FBN2: variants seen among roughly 807,000 people sequenced by gnomAD.
FBN2 encodes fibrillin-2.
A neutral mutation model predicts 355.6 loss-of-function variants in FBN2; 105 were observed. That is an observed-to-expected ratio of 0.30 (90% CI 0.25 to 0.35). The LOEUF (loss-of-function observed/expected upper bound fraction) is 0.35. Among genes scored for constraint, FBN2 ranks in the 10% least tolerant of loss-of-function variants. The pLI is 1.00. For synonymous variants in FBN2, 1,350 were observed against 1,301.2 expected (o/e 1.04, Z -0.81); for missense variants, 3,280 against 3,758.7 (o/e 0.87, Z 3.33).
At chr5:128,479,014 A>T (rs1755082968) in intron 5 of FBN2, among the ~76,000 whole-genome samples, 1 of 152,214 alleles carries the variant, frequency 6.6e-6, no homozygotes, top group African/African-American at 2.4e-5. Context: ...TTATCCTCAA[A>T]CATGGCTGCC....
At chr5:128,503,989 C>A (rs186383183) in intron 5 of FBN2, among the ~76,000 whole-genome samples, 2 of 152,252 alleles carry the variant, frequency 1.3e-5, no homozygotes, top group East Asian at 3.9e-4. Context: ...GGACATAGTG[C>A]CCTGCATCTC....
intron 5 of FBN2, among the ~76,000 whole-genome samples, chr5:128,493,167 A>G (rs1257546001): frequency 6.6e-6 from 1 of 152,190 alleles, no homozygotes; most frequent in East Asian, 1.9e-4. Context: ...GTACACAGTA[A>G]GTGTAATGAG....
chr5:128,508,565 C>T (rs1756026274), intron 5 of FBN2, among the ~76,000 whole-genome samples: 1 of 151,888 alleles, frequency 6.6e-6, no homozygotes, highest in South Asian at 2.1e-4. Context: ...TACTCTACAC[C>T]CCATAGGACA....
chr5:128,489,737 C>A (rs1415361235), intron 5 of FBN2, among the ~76,000 whole-genome samples: 2 of 152,072 alleles, frequency 1.3e-5, no homozygotes, highest in African/African-American at 4.8e-5. Context: ...ACTCAATTGA[C>A]CCCTAAGGAA....
chr5:128,530,832 T>C (rs1756681829), intron 2 of FBN2, 139 bp from the exon 3 acceptor site: 1 of 654,460 alleles, frequency 1.5e-6, no homozygotes, highest in Admixed American at 2.6e-5. Context: ...ACTTCAGATA[T>C]GCAATAAAAT....
chr5:128,325,152 C>T (rs931963640), intron 34 of FBN2, among the ~76,000 whole-genome samples: 1 of 152,060 alleles, frequency 6.6e-6, no homozygotes, highest in Non-Finnish European at 1.5e-5. Flanking sequence ...GAGTTCAGAT[C>T]CTGAATATCC....
chr5:128,342,297 C>T (rs1005153140), intron 25 of FBN2, among the ~76,000 whole-genome samples: 2 of 151,932 alleles, frequency 1.3e-5, no homozygotes, highest in African/African-American at 4.8e-5. Flanking sequence ...GAAAATACCA[C>T]AGAAACTAAG....
At position 128,286,800 on chromosome 5, in the gene FBN2, C is replaced by A; in HGVS notation, c.6930G>T (p.Met2310Ile). 1.2e-6 allele frequency: 2 copies of A among 1,614,050 alleles called. No individual in the cohort carries two copies. The highest frequency in any genetic ancestry group is 1.7e-6 in the Non-Finnish European group (2 of 1,179,870). ...EGLHDCESRG[M>I]MCKNLIGTFM... Reference sequence around the variant, plus strand: ...AGGTGCCGATTAGATTCTTACACATCATGCCCCTAGATTCACAGTCGTGTA... The same window carrying A: ...AGGTGCCGATTAGATTCTTACACATAATGCCCCTAGATTCACAGTCGTGTA... The change falls in exon 55 of 65, where the codon ATG becomes ATT. Residue 2310 changes from methionine to isoleucine, a missense_variant. By Grantham distance (10) the Met-to-Ile change is conservative. This residue lies in a region of FBN2 where 2,284 missense variants were observed against 2,749.5 expected (regional missense o/e 0.83). Transcript: ENST00000262464.
At chr5:128,373,335 GTTATATTC>G (rs1751996824) in intron 15 of FBN2, among the ~76,000 whole-genome samples, 1 of 152,204 alleles carries the variant, frequency 6.6e-6, no homozygotes, top group African/African-American at 2.4e-5. Context: ...GCAGGAAGAA[GTTATATTC>G]TTCTAGCTGC....
intron 5 of FBN2, 84 bp downstream of exon 5, chr5:128,519,188 GA>G: frequency 1.1e-6 from 1 of 900,624 alleles, no homozygotes; most frequent in Non-Finnish European, 1.8e-6. Flanking sequence ...TTCATTAGCA[GA>G]ATCTTCATTG....
intron 64 of FBN2, among the ~76,000 whole-genome samples, chr5:128,260,829 T>A (rs1285647918): frequency 6.6e-6 from 1 of 152,126 alleles, no homozygotes; most frequent in Non-Finnish European, 1.5e-5. Context: ...AGCCAGCCAG[T>A]TGTTGATTAG....
rs1751527556 is a variant in FBN2, at chr5:128,357,385, T to G, written c.2565A>C (p.Glu855Asp). 6.2e-7 allele frequency: 1 copy of G among 1,613,798 alleles called. No individual in the cohort carries two copies. Among genetic ancestry groups the G allele is most frequent in the Non-Finnish European group, 8.5e-7 (1 of 1,179,798 alleles). ...TETETCEDINECESNPCVNGA... is the reference protein window; with the variant it reads ...TETETCEDINDCESNPCVNGA... ...CATTGACACATGGGTTGCTTTCACA[T>G]TCATTTATATCTACAATCCAGAAGG... The change falls in exon 20 of 65, where the codon GAA becomes GAC. Residue 855 changes from glutamate to aspartate, a missense_variant. Physicochemically the swap from Glu to Asp is conservative, Grantham distance 45. Transcript: ENST00000262464.
At chr5:128,443,571 G>A (rs1331118257) in intron 7 of FBN2, among the ~76,000 whole-genome samples, 1 of 152,080 alleles carries the variant, frequency 6.6e-6, no homozygotes, top group East Asian at 1.9e-4. Flanking sequence ...AATGTTTAAC[G>A]ATTAATAAGC....
chr5:128,286,822 T>C lies in FBN2; in HGVS notation c.6908A>G (p.His2303Arg), dbSNP rs763581528. 3.1e-6 allele frequency: 5 copies of C among 1,613,980 alleles called. No individual in the cohort carries two copies. In the South Asian group the frequency reaches 4.4e-5, roughly 14 times the overall value. The change falls in exon 55 of 65, where the codon CAC becomes CGC. Residue 2303 changes from histidine (H) to arginine (R), a missense_variant. By Grantham distance (29) the His-to-Arg change is conservative. Around this residue, in one of 6 missense-constraint regions of FBN2, gnomAD observed 2,284 missense variants for 2,749.5 expected, o/e 0.83. Coordinates refer to ENST00000262464, the MANE Select transcript of FBN2 (RefSeq NM_001999.4). ...KDLDECAEGL[H>R]DCESRGMMCK... ...CATCATGCCCCTAGATTCACAGTCG[T>C]GTAACCCTTCAGCACATTCATCCAG...
At chr5:128,475,766 T>A (rs548264084) in intron 5 of FBN2, among the ~76,000 whole-genome samples, 19 of 152,286 alleles carry the variant, frequency 1.2e-4, no homozygotes, top group African/African-American at 2.9e-4. Flanking sequence ...ACAGTCTACC[T>A]ACAAAGGAGA....
At chr5:128,298,742 AT>A (rs929714702) in intron 48 of FBN2, among the ~76,000 whole-genome samples, 2 of 151,906 alleles carry the variant, frequency 1.3e-5, no homozygotes, top group African/African-American at 2.4e-5. Context: ...ATTCATCTAA[AT>A]TTTTTTCAAA....
chr5:128,353,197 A>C (rs1183244222), intron 20 of FBN2, among the ~76,000 whole-genome samples: 6 of 152,224 alleles, frequency 3.9e-5, no homozygotes, highest in African/African-American at 1.4e-4. Flanking sequence ...TTTACTTCTA[A>C]ATTCAACAAC....
intron 62 of FBN2, among the ~76,000 whole-genome samples, 194 bp from the exon 63 acceptor site, chr5:128,263,850 C>T (rs575943861): frequency 2.0e-5 from 3 of 152,268 alleles, no homozygotes; most frequent in East Asian, 3.9e-4. Flanking sequence ...TTAAAAAACC[C>T]TTGCTTTGCT....
At chr5:128,419,233 C>T (rs563024482) in intron 7 of FBN2, among the ~76,000 whole-genome samples, 264 of 152,304 alleles carry the variant, frequency 1.7e-3, no homozygotes, top group Non-Finnish European at 3.1e-3. Context: ...GTTACCTTGT[C>T]CACTAAACAC....
Sources: allele counts gnomAD v4.1 joint callset (sites outside exome capture counted in the v4.1 genomes callset), GRCh38; gene constraint gnomAD v4.1.1; regional missense constraint gnomAD v4.1.1; transcripts MANE v1.5; gene names NCBI Gene and HGNC (gene_info 2026-07-23, HGNC 2026-07-21).